The following RAD51B variants were observed in gnomAD, a reference collection of about 807,000 sequenced individuals.
The protein encoded by RAD51B is RAD51 paralog B, also known as DNA repair protein RAD51 homolog 2.
A neutral mutation model predicts 42.2 loss-of-function variants in RAD51B; 38 were observed. The observed-to-expected ratio is 0.90, with a 90% CI of 0.70 to 1.18. RAD51B has a LOEUF of 1.18. Among genes scored for constraint, RAD51B ranks in the 50% most tolerant of loss-of-function variants. The probability of loss-of-function intolerance (pLI) is 0.00; values close to 1 mark genes in which losing one functional copy is unlikely to be tolerated. For missense variants in RAD51B, 373 were observed against 400.7 expected (o/e 0.93, Z 0.59); for synonymous variants, 154 against 145.2 (o/e 1.06, Z -0.43).
chr14:68,585,272 C>G (rs1356264957), intron 10 of RAD51B, among the ~76,000 whole-genome samples: 1 of 152,234 alleles, frequency 6.6e-6, no homozygotes, highest in Non-Finnish European at 1.5e-5. Context: ...TGGGGAATTT[C>G]AGGAACTCCC....
At chr14:68,372,386 G>A (rs183722705) in intron 8 of RAD51B, among the ~76,000 whole-genome samples, 55 of 152,090 alleles carry the variant, frequency 3.6e-4, no homozygotes, top group African/African-American at 1.1e-3. Context: ...TTTTTATTTC[G>A]CATTTTGATA....
intron 7 of RAD51B, among the ~76,000 whole-genome samples, chr14:67,968,630 G>T (rs1181597795): frequency 6.6e-6 from 1 of 152,144 alleles, no homozygotes; most frequent in African/African-American, 2.4e-5. Flanking sequence ...AGTTCCAACA[G>T]GTCCCTCATC....
chr14:68,277,950 C>T (rs1349475953), intron 7 of RAD51B, among the ~76,000 whole-genome samples: 2 of 152,206 alleles, frequency 1.3e-5, no homozygotes, highest in Non-Finnish European at 2.9e-5. Context: ...GCCATGTTGG[C>T]CAGGCTGGTC....
intron 7 of RAD51B, among the ~76,000 whole-genome samples, chr14:68,169,059 G>A (rs1340607079): frequency 6.6e-6 from 1 of 152,148 alleles, no homozygotes; most frequent in Non-Finnish European, 1.5e-5. Context: ...TATTCTAGCT[G>A]TTGTTGTTTT....
At chr14:68,148,002 T>G (rs570360856) in intron 7 of RAD51B, among the ~76,000 whole-genome samples, 128 of 152,284 alleles carry the variant, frequency 8.4e-4, no homozygotes, top group African/African-American at 2.9e-3. Context: ...TACCTTACCC[T>G]CATAAGCAAA....
intron 9 of RAD51B, among the ~76,000 whole-genome samples, chr14:68,451,047 C>T (rs2085546506): frequency 1.3e-5 from 2 of 152,144 alleles, no homozygotes; most frequent in South Asian, 4.1e-4. Flanking sequence ...TTCTCAGCTT[C>T]AGGGCCCTCT....
At chr14:68,392,755 G>C (rs1410573079) in intron 8 of RAD51B, among the ~76,000 whole-genome samples, 1 of 152,228 alleles carries the variant, frequency 6.6e-6, no homozygotes, top group East Asian at 1.9e-4. Flanking sequence ...CGGAGGTAAA[G>C]AAACTGGTCC....
At chr14:68,666,852 A>G (rs191980374) in intron 11 of RAD51B, among the ~76,000 whole-genome samples, 131 of 152,360 alleles carry the variant, frequency 8.6e-4, no homozygotes, top group African/African-American at 3.0e-3. Flanking sequence ...AACAGAACCA[A>G]CAGGATCTCC....
At chr14:68,671,386 T>G (rs1305320598) in intron 11 of RAD51B, among the ~76,000 whole-genome samples, 3 of 152,184 alleles carry the variant, frequency 2.0e-5, no homozygotes, top group Non-Finnish European at 2.9e-5. Context: ...CATCTCCAGT[T>G]TGCTGTACCA....
In RAD51B at chr14:68,411,556, A is replaced by G. The variant is rs760948080; in HGVS notation, c.957+29A>G. On this transcript the variant is annotated intron_variant, in intron 9 of 10. Transcript: ENST00000471583. ...GGTGCTTTGACAGTATTCTCTGACT[A>G]TGAAGGTCGGGGAATGAGATATACC... 1.0e-4 allele frequency: 160 copies of G among 1,592,652 alleles called. No individual in the cohort carries two copies. In the South Asian group the frequency reaches 1.6e-3, roughly 16 times the overall value.
chr14:68,651,765 C>T (rs1013534085), intron 11 of RAD51B, among the ~76,000 whole-genome samples: 11 of 152,202 alleles, frequency 7.2e-5, no homozygotes, highest in African/African-American at 2.4e-4. Context: ...TATTTATAAT[C>T]CAGCTGGAGA....
At chr14:68,059,786 G>A (rs1376109958) in intron 7 of RAD51B, among the ~76,000 whole-genome samples, 6 of 152,028 alleles carry the variant, frequency 3.9e-5, no homozygotes, top group Non-Finnish European at 5.9e-5. Context: ...GAGAGCAGTG[G>A]CAATATCATA....
At chr14:68,469,185 G>A (rs575053946) in intron 10 of RAD51B, 78 of 464,820 alleles carry the variant, frequency 1.7e-4, no homozygotes, top group Non-Finnish European at 2.7e-4. Context: ...GAGAAGTCCT[G>A]CCCTGAAGGA....
intron 5 of RAD51B, among the ~76,000 whole-genome samples, chr14:67,876,838 T>A (rs2042745007): frequency 6.6e-6 from 1 of 152,218 alleles, no homozygotes; most frequent in Admixed American, 6.5e-5. Context: ...CCTCAGGACA[T>A]CTCCACTAGC....
intron 8 of RAD51B, among the ~76,000 whole-genome samples, chr14:68,394,368 A>G (rs1241688124): frequency 2.6e-5 from 4 of 152,130 alleles, no homozygotes; most frequent in Non-Finnish European, 5.9e-5. Context: ...AGTCTCCAGT[A>G]ACAATCCTCC....
Position 68,360,025 on chromosome 14 carries a change from A to C in RAD51B, c.854-51399A>C, listed in dbSNP as rs2082991208. Among the ~76,000 whole-genome samples the C allele has an allele frequency of 4.6e-5, 7 of 152,238 alleles. No homozygotes were observed. In the South Asian group the frequency reaches 1.4e-3, roughly 32 times the overall value. ...TAAGTCTTGAACAACAAACACTTAA[A>C]ATAATCAAAATGTTATATTTGGCAG... On this transcript the variant is annotated intron_variant, in intron 8 of 10. Coordinates refer to ENST00000471583, the MANE Select transcript of RAD51B (RefSeq NM_133510.4).
intron 7 of RAD51B, among the ~76,000 whole-genome samples, chr14:67,962,381 C>T (rs993139309): frequency 3.9e-5 from 6 of 152,006 alleles, no homozygotes; most frequent in Non-Finnish European, 7.4e-5. Context: ...AGAGAAGGTT[C>T]AACATCATGT....
At chr14:68,198,762 G>A (rs1334539280) in intron 7 of RAD51B, among the ~76,000 whole-genome samples, 1 of 152,162 alleles carries the variant, frequency 6.6e-6, no homozygotes, top group East Asian at 1.9e-4. Context: ...CAGCCTTGAA[G>A]TTTGAAAGAC....
chr14:67,916,759 T>C (rs1220505078), intron 7 of RAD51B, among the ~76,000 whole-genome samples: 1 of 152,200 alleles, frequency 6.6e-6, no homozygotes, highest in Non-Finnish European at 1.5e-5. Flanking sequence ...TTCCTTCATG[T>C]ATAAAGTAGT....
Sources: allele counts gnomAD v4.1 joint callset (sites outside exome capture counted in the v4.1 genomes callset), GRCh38; gene constraint gnomAD v4.1.1; transcripts MANE v1.5; gene names NCBI Gene and HGNC (gene_info 2026-07-23, HGNC 2026-07-21).